The following MUC4 variants were observed in gnomAD, a reference collection of about 807,000 sequenced individuals.
The protein encoded by MUC4 is mucin 4, cell surface associated, also known as mucin-4.
A neutral mutation model predicts 257.9 loss-of-function variants in MUC4; 202 were observed. The observed-to-expected ratio is 0.78, with a 90% CI of 0.70 to 0.88. The LOEUF is 0.88. Among genes scored for constraint, MUC4 ranks in the 40% least tolerant of loss-of-function variants. The probability of loss-of-function intolerance (pLI) is 0.00; values close to 1 mark genes in which losing one functional copy is unlikely to be tolerated. For synonymous variants in MUC4, 2,351 were observed against 2,757.1 expected (o/e 0.85, Z 4.62); for missense variants, 5,976 against 6,513.7 (o/e 0.92, Z 2.84).
chr3:195,761,527 G>A lies in MUC4; in HGVS notation c.14571C>T (p.Pro4857=). The part of the protein sequence containing the change: ...DFRMPNGSTI[P]PGSPEEMLFH... ...AAAGCATCTCCTCAGGGCTCCCTGG[G>A]GGAATGGTGGAGCCATTGGGCATCC... Residue 4857 remains proline, a synonymous_variant, in exon 15 of 25, where the codon CCC becomes CCT. Transcript: ENST00000463781. 1.2e-6 allele frequency: 2 copies of A among 1,614,164 alleles called. No homozygotes were observed. The highest frequency in any genetic ancestry group is 1.7e-6 in the Non-Finnish European group (2 of 1,180,004).
chr3:195,808,942 G>A (rs188979751), intron 1 of MUC4, among the ~76,000 whole-genome samples: 31 of 152,294 alleles, frequency 2.0e-4, no homozygotes, highest in Admixed American at 1.9e-3. Context: ...CGTGGAGTGC[G>A]CTGTGGCCGG....
Position 195,787,768 on chromosome 3 carries a change from G to T in MUC4, c.3812C>A (p.Ser1271Tyr). The T allele has an allele frequency of 3.2e-6, 2 of 616,376 alleles. No individual in the cohort carries two copies. Among genetic ancestry groups the T allele is most frequent in the South Asian group, 1.9e-5 (1 of 52,422 alleles). 38.2% of individuals were successfully genotyped at this position (616,376 alleles called of 1,614,324 possible). ...CGTGGTGTCACCTGTGGATACTGAG[G>T]AAGTGTCGGTGACAAGAAGAGAGGT... ...QATSLLVTDT[S>Y]SVSTGDTTPL... The change falls in exon 2 of 25, where the codon TCC becomes TAC. Residue 1271 changes from serine (S) to tyrosine (Y), a missense_variant. Ser to Tyr is a moderately radical substitution (Grantham distance 144). This residue lies in a region of MUC4 where 19 missense variants were observed against 57.2 expected (regional missense o/e 0.33). Transcript: ENST00000463781.
intron 1 of MUC4, among the ~76,000 whole-genome samples, chr3:195,804,253 G>A (rs140312331): frequency 1.0e-3 from 157 of 152,308 alleles, no homozygotes; most frequent in African/African-American, 3.6e-3. Flanking sequence ...CTTGAACCAC[G>A]TCAGGTGGGA....
intron 21 of MUC4, chr3:195,752,119 T>C: frequency 3.9e-6 from 2 of 514,400 alleles, no homozygotes; most frequent in East Asian, 2.9e-5. Flanking sequence ...TTTCAGATCA[T>C]AACCAAGATG....
chr3:195,762,922 G>A lies in MUC4; in HGVS notation c.14277C>T (p.His4759=), dbSNP rs775253233. Residue 4759 remains histidine (H), a synonymous_variant, in exon 13 of 25, where the codon CAC becomes CAT. Transcript: ENST00000463781. The stretch of plus-strand genomic sequence containing the variant: ...TATCCAGCAGGACACGGATTGCGTC[G>A]TGAGGCTCAAGGAGCCATTGGACCT... ...PVTVQWLLEP[H]DAIRVLLDNQ... 6 of 1,568,276 alleles carry A rather than the reference G, an allele frequency of 3.8e-6. No individual in the cohort carries two copies. Among genetic ancestry groups the A allele is most frequent in the East Asian group, 2.4e-5 (1 of 41,850 alleles).
At chr3:195,807,332 G>T (rs116007529) in intron 1 of MUC4, among the ~76,000 whole-genome samples, 2,029 of 152,272 alleles carry the variant, frequency 0.013, 20 homozygotes, top group South Asian at 0.027. Context: ...AGCCGCTGTG[G>T]TGTTGGGCGT....
At position 195,790,907 on chromosome 3, in the gene MUC4, A is replaced by C. The variant is rs746924577; in HGVS notation, c.673T>G (p.Ser225Ala). ...THRTTSTPSF[S>A]PSVHNVTGTV... ...CCTGTCACATTGTGTACACTTGGAG[A>C]GAAAGAAGGAGTTGAAGTGGTTCTG... Residue 225 changes from serine to alanine, a missense_variant, in exon 2 of 25, where the codon TCT becomes GCT. Coordinates refer to ENST00000463781, the MANE Select transcript of MUC4 (RefSeq NM_018406.7). The C allele has an allele frequency of 3.1e-6, 5 of 1,613,944 alleles. No individual in the cohort carries two copies. Among genetic ancestry groups the C allele is most frequent in the Non-Finnish European group, 4.2e-6 (5 of 1,179,886 alleles).
chr3:195,802,140 T>G (rs1735403876), intron 1 of MUC4, among the ~76,000 whole-genome samples: 1 of 152,222 alleles, frequency 6.6e-6, no homozygotes, highest in African/African-American at 2.4e-5. Context: ...GGTCAATCTT[T>G]CCTTGCAAGC....
In MUC4 at chr3:195,787,887, G is replaced by C; in HGVS notation, c.3693C>G (p.Thr1231=). Residue 1231 remains threonine, a synonymous_variant, in exon 2 of 25, where the codon ACC becomes ACG. Transcript: ENST00000463781. ...DASSVSTDHA[T]SLPVTIPSAA... ...CGGAAGGGATGGTTACAGGAAGAGA[G>C]GTGGCGTGATCTGTGGACACTGAGG... 3 of 602,304 alleles carry C rather than the reference G, an allele frequency of 5.0e-6. 1 individual carries two copies. The highest frequency in any genetic ancestry group is 3.8e-5 in the South Asian group (2 of 53,330). 37.3% of individuals were successfully genotyped at this position (602,304 alleles called of 1,614,324 possible).
chr3:195,760,842 TC>T, intron 16 of MUC4, 41 bp downstream of exon 16: 1 of 1,555,390 alleles, frequency 6.4e-7, no homozygotes, highest in African/African-American at 1.4e-5. Context: ...CCTCATCTGC[TC>T]CCGACTCTGA....
At chr3:195,753,693 C>T (rs1272289432) in intron 19 of MUC4, 1 of 205,592 alleles carries the variant, frequency 4.9e-6, no homozygotes, top group African/African-American at 2.4e-5. Context: ...ACTCTGGTGA[C>T]TCAGAGCGGG....
intron 1 of MUC4, among the ~76,000 whole-genome samples, chr3:195,802,544 A>G (rs1172418595): frequency 2.6e-5 from 4 of 151,914 alleles, no homozygotes; most frequent in Non-Finnish European, 5.9e-5. Flanking sequence ...GGGGTCACAG[A>G]CTGGTGACTG....
chr3:195,749,667 C>T (rs1715965686), intron 23 of MUC4, among the ~76,000 whole-genome samples: 1 of 152,126 alleles, frequency 6.6e-6, no homozygotes, highest in African/African-American at 2.4e-5. Context: ...CATAATATGT[C>T]AAATGGGAAT....
At chr3:195,758,045 G>A (rs2550271) in intron 17 of MUC4, among the ~76,000 whole-genome samples, 60,846 of 152,026 alleles carry the variant, frequency 0.4, 13,840 homozygotes, top group East Asian at 0.74. Context: ...GACACAGAGA[G>A]AAAGAACATC....
Position 195,789,186 on chromosome 3 carries a change from G to C in MUC4, c.2394C>G (p.Thr798=). The C allele has an allele frequency of 4.3e-6, 7 of 1,613,876 alleles. No individual in the cohort carries two copies. The highest frequency in any genetic ancestry group is 5.9e-6 in the Non-Finnish European group (7 of 1,179,858). The change falls in exon 2 of 25, where the codon ACC becomes ACG. Residue 798 remains threonine (T), a synonymous_variant. Transcript: ENST00000463781. The part of the protein sequence containing the change: ...SEPASSGSRT[T]SAGTATPSSS... ...AGGAAGGGGTAGCTGTGCCCGCTGA[G>C]GTGGTTCGTGACCCTGAGGAGGCCG...
intron 1 of MUC4, among the ~76,000 whole-genome samples, chr3:195,793,429 G>T (rs1734120965): frequency 1.3e-5 from 2 of 152,028 alleles, no homozygotes; most frequent in South Asian, 2.1e-4. Context: ...TTGAACCCAG[G>T]AGGTGGAGGT....
In MUC4 at chr3:195,790,831, A is replaced by G; in HGVS notation, c.749T>C (p.Leu250Pro). 6.2e-7 allele frequency: 1 copy of G among 1,613,050 alleles called. No individual in the cohort carries two copies. The highest frequency in any genetic ancestry group is 8.5e-7 in the Non-Finnish European group (1 of 1,179,648). The change falls in exon 2 of 25, where the codon CTC becomes CCC. Residue 250 changes from leucine (L) to proline (P), a missense_variant. Physicochemically the swap from Leu to Pro is moderately conservative, Grantham distance 98. Around this residue, in one of 44 missense-constraint regions of MUC4, gnomAD observed 1,583 missense variants for 1,257.4 expected, o/e 1.26. Coordinates refer to ENST00000463781, the MANE Select transcript of MUC4 (RefSeq NM_018406.7). ...CATGGATGTGTTTGTGACACTACAG[A>G]GGGATGAGGTAGCTGTTTCACCTGA... ...SPSGETATSS[L>P]CSVTNTSMMT...
rs1730493403 is a variant in MUC4, at chr3:195,784,670, GGGTGGCGTGAC to G, written c.6899_6909del (p.Gly2300AlafsTer30). The G allele has an allele frequency of 7.2e-7, 1 of 1,391,224 alleles. No individual in the cohort carries two copies. Among genetic ancestry groups the G allele is most frequent in the Admixed American group, 2.1e-5 (1 of 46,572 alleles). The allele number at this position is 1,391,224 out of a possible 1,614,324, so 86.2% of individuals were successfully genotyped here. A position where few individuals can be genotyped will look rare whatever the true frequency, so the allele number is the denominator to read the frequency against. ...GAGGAAGCGTCGGTGACATGAAGAG[GGGTGGCGTGAC>G]CTGTGGATGCTGAGGAAGGGCTAGT... On this transcript the variant is annotated frameshift_variant, in exon 2 of 25. Coordinates refer to ENST00000463781, the MANE Select transcript of MUC4 (RefSeq NM_018406.7). LOFTEE classifies it high-confidence loss of function.
intron 22 of MUC4, 39 bp from the exon 23 acceptor site, chr3:195,751,151 G>C (rs1339920201): frequency 4.7e-6 from 7 of 1,489,208 alleles, no homozygotes; most frequent in Non-Finnish European, 5.5e-6. Flanking sequence ...GTGGGGGGCT[G>C]GGGGTGGGGG....
Sources: allele counts gnomAD v4.1 joint callset (sites outside exome capture counted in the v4.1 genomes callset), GRCh38; gene constraint gnomAD v4.1.1; regional missense constraint gnomAD v4.1.1; transcripts MANE v1.5; gene names NCBI Gene and HGNC (gene_info 2026-07-23, HGNC 2026-07-21).